Variants in SV2C observed in about 807,000 individuals in gnomAD.
The protein encoded by SV2C is solute carrier family 22 member B3.
A neutral mutation model predicts 79.7 loss-of-function variants in SV2C; 49 were observed. The observed-to-expected ratio is 0.61, with a 90% CI of 0.49 to 0.78. The LOEUF is 0.78. Among genes scored for constraint, SV2C ranks in the 30% least tolerant of loss-of-function variants. SV2C has a pLI of 0.00. For missense variants in SV2C, 833 were observed against 912.9 expected (o/e 0.91, Z 1.13); for synonymous variants, 334 against 333.2 (o/e 1.00, Z -0.03).
At chr5:75,893,364 C>G in the SV2C span, among the ~76,000 whole-genome samples, 2 of 151,776 alleles carry the variant, frequency 1.3e-5, no homozygotes, top group Admixed American at 6.6e-5. Flanking sequence ...ATTCTAGATT[C>G]TTTGGGTCTA....
chr5:76,264,198 T>C (rs562391725), intron 4 of SV2C, among the ~76,000 whole-genome samples: 1 of 151,946 alleles, frequency 6.6e-6, no homozygotes, highest in Admixed American at 6.6e-5. Context: ...CAGTCTCTGA[T>C]ACCCTTTCTT....
the SV2C span, among the ~76,000 whole-genome samples, chr5:76,057,432 T>G: frequency 7.1e-6 from 1 of 141,056 alleles, no homozygotes; most frequent in East Asian, 2.4e-4. Context: ...CCTGTGTCCA[T>G]GTGTTCTCGT....
chr5:75,951,247 A>G, the SV2C span, among the ~76,000 whole-genome samples: 1 of 152,130 alleles, frequency 6.6e-6, no homozygotes, highest in African/African-American at 2.4e-5. Flanking sequence ...TACCAAATGG[A>G]TCTGGCCTTA....
intron 4 of SV2C, among the ~76,000 whole-genome samples, chr5:76,279,892 G>A (rs921397784): frequency 1.3e-5 from 2 of 152,136 alleles, no homozygotes; most frequent in Non-Finnish European, 2.9e-5. Flanking sequence ...GTCCTTGAGG[G>A]AAAGAGAAGG....
chr5:76,215,853 A>C (rs1284222812), intron 4 of SV2C, among the ~76,000 whole-genome samples: 2 of 151,916 alleles, frequency 1.3e-5, no homozygotes, highest in East Asian at 3.9e-4. Flanking sequence ...GATAAATAAC[A>C]CAGAGGCTCG....
intron 4 of SV2C, among the ~76,000 whole-genome samples, chr5:76,256,379 C>T (rs1746265928): frequency 6.6e-6 from 1 of 152,190 alleles, no homozygotes; most frequent in African/African-American, 2.4e-5. Flanking sequence ...AACATCCACT[C>T]ACGCATGCAA....
the SV2C span, among the ~76,000 whole-genome samples, chr5:75,849,667 A>G: frequency 6.6e-6 from 1 of 152,244 alleles, no homozygotes; most frequent in Non-Finnish European, 1.5e-5. Context: ...ATTTAACTAC[A>G]TCACAAGGTC....
chr5:76,141,287 T>G (rs1714863338), intron 2 of SV2C, among the ~76,000 whole-genome samples: 1 of 152,190 alleles, frequency 6.6e-6, no homozygotes, highest in Admixed American at 6.5e-5. Context: ...TGAAGGTCAC[T>G]GAGGGTTTTC....
At chr5:75,875,902 T>A in the SV2C span, among the ~76,000 whole-genome samples, 1 of 152,050 alleles carries the variant, frequency 6.6e-6, no homozygotes, top group East Asian at 1.9e-4. Context: ...TCAGAATAAC[T>A]ATTGTTAAAA....
At chr5:76,188,876 A>C (rs925361160) in intron 2 of SV2C, among the ~76,000 whole-genome samples, 1 of 152,214 alleles carries the variant, frequency 6.6e-6, no homozygotes, top group East Asian at 1.9e-4. Context: ...GGCCAAGGGA[A>C]GACCACACTC....
the SV2C span, among the ~76,000 whole-genome samples, chr5:75,882,228 A>C: frequency 6.6e-6 from 1 of 151,746 alleles, no homozygotes; most frequent in Non-Finnish European, 1.5e-5. Context: ...TTTTGCATCA[A>C]TGTTCATCGA....
At chr5:75,903,479 A>G in the SV2C span, among the ~76,000 whole-genome samples, 14 of 152,058 alleles carry the variant, frequency 9.2e-5, no homozygotes, top group African/African-American at 3.4e-4. Flanking sequence ...CAAATTCTCA[A>G]AACAAGTGTG....
At chr5:76,136,768 G>A (rs760325187) in intron 2 of SV2C, among the ~76,000 whole-genome samples, 1 of 152,136 alleles carries the variant, frequency 6.6e-6, no homozygotes, top group Non-Finnish European at 1.5e-5. Flanking sequence ...GAGTTTACCG[G>A]GCAGATAAAA....
the SV2C span, among the ~76,000 whole-genome samples, chr5:76,018,172 A>G: frequency 3.3e-5 from 5 of 152,210 alleles, no homozygotes; most frequent in Non-Finnish European, 7.3e-5. Context: ...TTCTGAAGCC[A>G]TTTAATAGAT....
the SV2C span, among the ~76,000 whole-genome samples, chr5:76,062,575 T>A: frequency 6.6e-6 from 1 of 151,704 alleles, no homozygotes; most frequent in Non-Finnish European, 1.5e-5. Flanking sequence ...ACAAATGGAC[T>A]AAGACAGATG....
chr5:76,204,294 A>C (rs984431157), intron 3 of SV2C, among the ~76,000 whole-genome samples: 24 of 152,146 alleles, frequency 1.6e-4, no homozygotes, highest in African/African-American at 5.8e-4. Flanking sequence ...TTTTCATGCA[A>C]GTTATTTGTA....
At chr5:75,898,052 C>T in the SV2C span, among the ~76,000 whole-genome samples, 5 of 151,904 alleles carry the variant, frequency 3.3e-5, no homozygotes, top group African/African-American at 1.2e-4. Context: ...TAATTGAATA[C>T]CCTTTATTTC....
chr5:76,188,908 A>ATTT lies in SV2C; in HGVS notation c.581-6011_581-6010insTTT, dbSNP rs1744008268. On this transcript the variant is annotated intron_variant, in intron 2 of 12. Transcript: ENST00000502798. ...ACTCAGCCAACCATTTTGGGGTTCC[A>ATTT]GGAGCAGGGACAACAGGGCAGCAGC... Among the ~76,000 whole-genome samples the ATTT allele has an allele frequency of 2.0e-5, 3 of 151,920 alleles. No homozygotes were observed. In the South Asian group the frequency reaches 6.2e-4, roughly 32 times the overall value.
At chr5:76,318,598 A>G (rs908426351) in intron 12 of SV2C, among the ~76,000 whole-genome samples, 1 of 152,208 alleles carries the variant, frequency 6.6e-6, no homozygotes. Context: ...GTCTCAGACC[A>G]AGGAAGTTTA....
Sources: allele counts gnomAD v4.1 joint callset (sites outside exome capture counted in the v4.1 genomes callset), GRCh38; gene constraint gnomAD v4.1.1; transcripts MANE v1.5; gene names NCBI Gene and HGNC (gene_info 2026-07-23, HGNC 2026-07-21).